The following LPAR1 variants were observed in gnomAD, a reference collection of about 807,000 sequenced individuals.
LPAR1 encodes lysophosphatidic acid receptor 1, also known as LPA receptor 1.
Under a neutral mutation model 23.8 loss-of-function variants are expected in LPAR1, and 5 were observed. The ratio of observed to expected loss-of-function variants is 0.21; its 90% confidence interval spans 0.11 to 0.44. The LOEUF is 0.44. Ranked by LOEUF, LPAR1 falls within the 20% of genes least tolerant of loss-of-function variation. The probability of loss-of-function intolerance (pLI) is 0.99; values close to 1 mark genes in which losing one functional copy is unlikely to be tolerated. For missense variants in LPAR1, 311 were observed against 482.8 expected (o/e 0.64, Z 3.33); for synonymous variants, 160 against 164.7 (o/e 0.97, Z 0.22).
chr9:110,905,345 T>A (rs1384986081), intron 5 of LPAR1, among the ~76,000 whole-genome samples: 1 of 127,000 alleles, frequency 7.9e-6, no homozygotes, highest in Non-Finnish European at 1.6e-5. Context: ...TGCTTTTTTT[T>A]ATTATTTTTT....
intron 4 of LPAR1, among the ~76,000 whole-genome samples, chr9:110,967,432 G>C (rs1404141577): frequency 3.9e-5 from 6 of 152,192 alleles, no homozygotes; most frequent in African/African-American, 1.4e-4. Flanking sequence ...TCGTTTATAT[G>C]TAGTATTAGG....
chr9:110,980,564 T>TA lies in LPAR1; in HGVS notation c.-181-7007dup, dbSNP rs534021144. 2.1e-4 allele frequency among the ~76,000 whole-genome samples: 32 copies of TA among 151,740 alleles called. No homozygotes were observed. The East Asian group carries it at 5.6e-3, about 27-fold the overall frequency. The stretch of plus-strand genomic sequence containing the variant: ...AATGTTCTCGCTCCTATGTGGGAGC[T>TA]AAAAAAGTTGATCCCACAGAAGTAG... On this transcript the variant is annotated intron_variant, in intron 2 of 5. Transcript: ENST00000683809.
intron 4 of LPAR1, among the ~76,000 whole-genome samples, chr9:110,967,554 T>C (rs2096266211): frequency 6.6e-6 from 1 of 152,240 alleles, no homozygotes; most frequent in African/African-American, 2.4e-5. Flanking sequence ...TTTTCAGGCC[T>C]TTCACACTTG....
intron 5 of LPAR1, among the ~76,000 whole-genome samples, chr9:110,915,922 T>C (rs928538440): frequency 6.6e-6 from 1 of 152,180 alleles, no homozygotes; most frequent in Non-Finnish European, 1.5e-5. Context: ...TCAATATAAG[T>C]TATCAAATTA....
At chr9:110,963,565 G>A (rs935487449) in intron 4 of LPAR1, among the ~76,000 whole-genome samples, 3 of 151,984 alleles carry the variant, frequency 2.0e-5, no homozygotes. Context: ...GTTAAATGAC[G>A]AGTTAATGGG....
chr9:110,998,218 A>G (rs1675678505), intron 2 of LPAR1, among the ~76,000 whole-genome samples: 1 of 152,244 alleles, frequency 6.6e-6, no homozygotes, highest in African/African-American at 2.4e-5. Flanking sequence ...ATAATTTAAA[A>G]TAATACATAA....
At chr9:111,019,774 G>A (rs963246460) in intron 2 of LPAR1, among the ~76,000 whole-genome samples, 2 of 152,178 alleles carry the variant, frequency 1.3e-5, no homozygotes, top group Admixed American at 6.5e-5. Flanking sequence ...GAACCTGGGA[G>A]GTGGAGATTG....
chr9:111,034,093 A>G (rs775180244), intron 2 of LPAR1, among the ~76,000 whole-genome samples: 1 of 152,220 alleles, frequency 6.6e-6, no homozygotes, highest in Non-Finnish European at 1.5e-5. Context: ...TTTAAAATAT[A>G]TAGAAAGCAA....
intron 2 of LPAR1, among the ~76,000 whole-genome samples, chr9:111,006,881 G>A (rs543967810): frequency 1.5e-4 from 23 of 152,192 alleles, no homozygotes; most frequent in African/African-American, 5.5e-4. Context: ...ACATTGAAAT[G>A]TAATCCCCAG....
intron 5 of LPAR1, among the ~76,000 whole-genome samples, chr9:110,914,759 T>A (rs2092888071): frequency 6.6e-6 from 1 of 151,530 alleles, no homozygotes; most frequent in Admixed American, 6.6e-5. Context: ...TCTTTTCACT[T>A]CCTTTCTTCA....
intron 4 of LPAR1, among the ~76,000 whole-genome samples, chr9:110,950,803 T>C (rs2095546035): frequency 6.6e-6 from 1 of 152,146 alleles, no homozygotes; most frequent in African/African-American, 2.4e-5. Flanking sequence ...AAGATGTCAA[T>C]TTTCCCAGTA....
rs1162898899 is a variant in LPAR1 at position 111,038,206 on chromosome 9, C to T, written c.-301G>A. The T allele has an allele frequency of 6.7e-6, 1 of 149,532 alleles. No individual in the cohort carries two copies. Among genetic ancestry groups the T allele is most frequent in the Non-Finnish European group, 1.5e-5 (1 of 67,154 alleles). 9.3% of individuals were successfully genotyped at this position (149,532 alleles called of 1,614,324 possible). A position where few individuals can be genotyped will look rare whatever the true frequency, so the allele number is the denominator to read the frequency against. ...GCCGCGCGTCCCTCTCCTGCCGCCC[C>T]CGGGCTGGCTTCAGGCCGCGCGCCC... On this transcript the variant is annotated 5_prime_UTR_variant, in exon 1 of 6. Transcript: ENST00000683809. This position sits in a 1 kb window ranked among gnomAD's most constrained non-coding sequence, Gnocchi z 4.4.
chr9:110,907,834 A>G (rs1179452521), intron 5 of LPAR1, among the ~76,000 whole-genome samples: 1 of 152,116 alleles, frequency 6.6e-6, no homozygotes, highest in Admixed American at 6.6e-5. Flanking sequence ...ATGGCTTACT[A>G]TTCAAAGAAC....
At chr9:111,019,039 A>C (rs73657229) in intron 2 of LPAR1, among the ~76,000 whole-genome samples, 1,680 of 152,372 alleles carry the variant, frequency 0.011, 31 homozygotes, top group African/African-American at 0.038. Context: ...AGACCATAAA[A>C]TAGAACATAA....
chr9:110,959,205 C>T (rs1024368883), intron 4 of LPAR1, among the ~76,000 whole-genome samples: 2 of 137,394 alleles, frequency 1.5e-5, no homozygotes, highest in African/African-American at 5.6e-5. Context: ...CCAGACATTC[C>T]ATATGATCTA....
intron 4 of LPAR1, among the ~76,000 whole-genome samples, chr9:110,954,725 A>C (rs10817121): frequency 0.22 from 32,834 of 152,152 alleles, 4,349 homozygotes; most frequent in Admixed American, 0.29. Flanking sequence ...AACAAACAAA[A>C]AAAACTGCCA....
chr9:110,965,325 G>A (rs1168410313), intron 4 of LPAR1, among the ~76,000 whole-genome samples: 1 of 152,034 alleles, frequency 6.6e-6, no homozygotes, highest in Non-Finnish European at 1.5e-5. Context: ...AAACCAAAAT[G>A]GTTGTGAACA....
intron 2 of LPAR1, among the ~76,000 whole-genome samples, chr9:111,001,276 G>A (rs1056589760): frequency 1.3e-5 from 2 of 152,134 alleles, no homozygotes; most frequent in African/African-American, 4.8e-5. Context: ...GAAGTCTATA[G>A]ATAAACCTGC....
intron 2 of LPAR1, among the ~76,000 whole-genome samples, chr9:110,995,165 A>G (rs2096972701): frequency 6.6e-6 from 1 of 152,174 alleles, no homozygotes; most frequent in Non-Finnish European, 1.5e-5. Flanking sequence ...TCTTCTGCCT[A>G]CCAGTGAGAC....
Sources: gnomAD v4.1 joint callset for allele counts (sites outside exome capture counted in the v4.1 genomes callset) on GRCh38, gnomAD v4.1.1 for gene constraint, Gnocchi (gnomAD v3.1) non-coding constraint, MANE v1.5 for transcripts, NCBI Gene and HGNC (gene_info 2026-07-23, HGNC 2026-07-21) for gene names.